XPR1: variants seen among roughly 807,000 people sequenced by gnomAD.
The protein encoded by XPR1 is xenotropic and polytropic retrovirus receptor 1, also known as solute carrier family 53 member 1.
XPR1 carries 28 observed loss-of-function variants against 87.5 expected under a neutral mutation model. The ratio of observed to expected loss-of-function variants is 0.32; its 90% CI spans 0.24 to 0.44. XPR1 has a LOEUF of 0.44. XPR1 is among the 20% of genes least tolerant of loss of function. The pLI, the probability that XPR1 is intolerant of heterozygous loss-of-function variation, is 1.00. For missense variants in XPR1, 559 were observed against 862.3 expected (o/e 0.65, Z 4.41); for synonymous variants, 300 against 306.1 (o/e 0.98, Z 0.21).
chr1:180,656,412 T>TAATATTTATACA (rs1557941271), intron 1 of XPR1, among the ~76,000 whole-genome samples: 1 of 48,350 alleles, frequency 2.1e-5, no homozygotes, highest in African/African-American at 8.4e-5. Flanking sequence ...TATTTATATA[T>TAATATTTATACA]TTATATATAA....
At chr1:180,820,278 C>T (rs940332625) in intron 7 of XPR1, among the ~76,000 whole-genome samples, 1 of 152,110 alleles carries the variant, frequency 6.6e-6, no homozygotes, top group Non-Finnish European at 1.5e-5. Context: ...AAACCCCACT[C>T]TCCATTCCCT....
At chr1:180,798,133 A>C (rs1649651801) in intron 3 of XPR1, among the ~76,000 whole-genome samples, 1 of 152,158 alleles carries the variant, frequency 6.6e-6, no homozygotes, top group Admixed American at 6.5e-5. Flanking sequence ...TGATACATAA[A>C]AAATACAAAA....
intron 13 of XPR1, among the ~76,000 whole-genome samples, chr1:180,874,454 C>G (rs983368087): frequency 2.6e-5 from 4 of 152,084 alleles, no homozygotes; most frequent in Non-Finnish European, 5.9e-5. Flanking sequence ...CTTTGGGAGG[C>G]CGAGGCCGGT....
rs1431532854 is a variant in XPR1, at chr1:180,836,638, CCT to C, written c.1425_1426del (p.His476PhefsTer3). 6.2e-7 allele frequency: 1 copy of C among 1,614,154 alleles called. No individual in the cohort carries two copies. The highest frequency in any genetic ancestry group is 2.2e-5 in the East Asian group (1 of 44,886). The part of the protein sequence containing the change: ...RRYRDTKRAF[P>X]HLVNAGKYST... ...ATATCGAGACACAAAAAGGGCCTTT[CCT>C]CATTTAGTTAATGCTGGCAAATACT... On this transcript the variant is annotated frameshift_variant, in exon 11 of 15. Coordinates refer to ENST00000367590, the MANE Select transcript of XPR1 (RefSeq NM_004736.4). LOFTEE classifies it high-confidence loss of function.
rs139440674 is a variant in XPR1, at chr1:180,873,783, A to T, written c.1669-20A>T. 819 of 1,610,264 alleles carry T rather than the reference A, an allele frequency of 5.1e-4. 5 individuals are homozygous for T. In the African/African-American group the frequency reaches 9.6e-3, roughly 19 times the overall value. On this transcript the variant is annotated intron_variant, in intron 12 of 14. Coordinates refer to ENST00000367590, the MANE Select transcript of XPR1 (RefSeq NM_004736.4). ...AGAAATGTGATAGAAAACATACTCAATTTCTTTATTATTTCTCAGGCCTAC... is the reference window on the plus strand; with the variant it reads ...AGAAATGTGATAGAAAACATACTCATTTTCTTTATTATTTCTCAGGCCTAC...
chr1:180,637,065 A>T (rs1333590832), intron 1 of XPR1, among the ~76,000 whole-genome samples: 1 of 146,240 alleles, frequency 6.8e-6, no homozygotes, highest in South Asian at 2.1e-4. Context: ...AAAAAAAAAA[A>T]AAAAAAGGAA....
At chr1:180,764,272 A>G (rs1388950892) in intron 2 of XPR1, among the ~76,000 whole-genome samples, 1 of 152,170 alleles carries the variant, frequency 6.6e-6, no homozygotes, top group Non-Finnish European at 1.5e-5. Context: ...TGTAAGTTGT[A>G]TATATAAAAC....
Position 180,659,341 on chromosome 1 carries a change from GTCCT to G in XPR1, c.70-23011_70-23008del, listed in dbSNP as rs1374077831. 1.9e-4 allele frequency among the ~76,000 whole-genome samples: 19 copies of G among 102,232 alleles called. No homozygotes were observed. The East Asian group carries it at 3.1e-3, about 17-fold the overall frequency. The allele number at this position is 102,232 out of a possible 152,430, so 67.1% of individuals were successfully genotyped here. Reference sequence around the variant, plus strand: ...TAGTCTGTCTTCCTTCCTTCCTTCCGTCCTTCCTTCCGTCCTTCCGTCCTTCCGT... The same window carrying G: ...TAGTCTGTCTTCCTTCCTTCCTTCCGTCCTTCCGTCCTTCCGTCCTTCCGT... On this transcript the variant is annotated intron_variant, in intron 1 of 14. Coordinates refer to ENST00000367590, the MANE Select transcript of XPR1 (RefSeq NM_004736.4).
rs1571736320 is a variant in XPR1, at chr1:180,696,839, C to G, written c.121+14428C>G. Among the ~76,000 whole-genome samples, 3 of 152,302 alleles carry G rather than the reference C, an allele frequency of 2.0e-5. No homozygotes were observed. The South Asian group carries it at 6.2e-4, about 32-fold the overall frequency. ...CCTTGCATCCCTGGGATAAATCCCA[C>G]TTGATCGTGGTGCATTATCTTTTTG... On this transcript the variant is annotated intron_variant, in intron 2 of 14. Transcript: ENST00000367590.
At chr1:180,688,860 T>G (rs538446291) in intron 2 of XPR1, among the ~76,000 whole-genome samples, 1 of 151,666 alleles carries the variant, frequency 6.6e-6, no homozygotes, top group South Asian at 2.1e-4. Context: ...TACATCTTTA[T>G]TTTTTTTTAA....
chr1:180,823,888 A>G (rs1005073776), intron 7 of XPR1, among the ~76,000 whole-genome samples: 4 of 152,232 alleles, frequency 2.6e-5, no homozygotes, highest in African/African-American at 9.7e-5. Context: ...ATTACCAATT[A>G]TTCTATGTAA....
At chr1:180,748,544 G>T (rs544351852) in intron 2 of XPR1, among the ~76,000 whole-genome samples, 1 of 148,572 alleles carries the variant, frequency 6.7e-6, no homozygotes, top group Non-Finnish European at 1.5e-5. Context: ...TCAGCCTCCC[G>T]AGTAGCTGGG....
intron 12 of XPR1, 146 bp from the exon 13 acceptor site, chr1:180,873,657 T>C (rs1286371699): frequency 1.1e-6 from 1 of 893,706 alleles, no homozygotes; most frequent in Non-Finnish European, 1.6e-6. Flanking sequence ...TGTACTTCCC[T>C]GCAAAATAAA....
chr1:180,805,328 G>A (rs1354596187), intron 4 of XPR1, among the ~76,000 whole-genome samples: 1 of 152,174 alleles, frequency 6.6e-6, no homozygotes, highest in Non-Finnish European at 1.5e-5. Flanking sequence ...ATGTAACCTT[G>A]CAAATTGAGT....
At chr1:180,863,659 A>T in intron 11 of XPR1, 49 bp from the exon 12 acceptor site, 1 of 1,479,092 alleles carries the variant, frequency 6.8e-7, no homozygotes, top group South Asian at 1.5e-5. Context: ...GAAAAATTTT[A>T]CTTAAATGTA....
intron 6 of XPR1, among the ~76,000 whole-genome samples, chr1:180,808,542 T>TA (rs1461067676): frequency 6.6e-6 from 1 of 152,140 alleles, no homozygotes; most frequent in African/African-American, 2.4e-5. Flanking sequence ...AAAATATTTA[T>TA]AAAACATATC....
chr1:180,698,520 TA>T (rs965747812), intron 2 of XPR1, among the ~76,000 whole-genome samples: 1 of 151,750 alleles, frequency 6.6e-6, no homozygotes, highest in Non-Finnish European at 1.5e-5. Flanking sequence ...TGTTCTTGTT[TA>T]TCATGTGGTT....
chr1:180,793,771 T>C (rs1437930824), intron 3 of XPR1, among the ~76,000 whole-genome samples: 2 of 152,222 alleles, frequency 1.3e-5, no homozygotes, highest in Admixed American at 6.5e-5. Flanking sequence ...TTTCCTTTCT[T>C]TATTTTGTTA....
chr1:180,735,417 TG>T (rs1358980985), intron 2 of XPR1, among the ~76,000 whole-genome samples: 3 of 152,250 alleles, frequency 2.0e-5, no homozygotes, highest in Non-Finnish European at 2.9e-5. Context: ...AAGACAAGAT[TG>T]AGCTTGATCC....
Sources: gnomAD v4.1 joint callset for allele counts (sites outside exome capture counted in the v4.1 genomes callset) on GRCh38, gnomAD v4.1.1 for gene constraint, MANE v1.5 for transcripts, NCBI Gene and HGNC (gene_info 2026-07-23, HGNC 2026-07-21) for gene names.